Variants in CPVL observed in about 807,000 individuals in gnomAD.
CPVL encodes the protein carboxypeptidase vitellogenic like.
CPVL carries 51 observed loss-of-function variants against 63.7 expected under a neutral mutation model. The ratio of observed to expected loss-of-function variants is 0.80; its 90% CI spans 0.64 to 1.01. The LOEUF (loss-of-function observed/expected upper bound fraction) is 1.01, where lower values mean the gene tolerates loss of function less well. Ranked by LOEUF, CPVL falls within the 50% of genes least tolerant of loss-of-function variation. The pLI is 0.00. For synonymous variants in CPVL, 195 were observed against 206.0 expected (o/e 0.95, Z 0.46); for missense variants, 530 against 573.1 (o/e 0.92, Z 0.77).
intron 9 of CPVL, among the ~76,000 whole-genome samples, chr7:29,069,347 A>C (rs968459729): frequency 1.3e-5 from 2 of 150,500 alleles, no homozygotes; most frequent in Admixed American, 1.3e-4. Context: ...AGGCTGAGGC[A>C]GGAGAATGGC....
intron 1 of CPVL, chr7:29,194,896 G>C: frequency 1.4e-6 from 2 of 1,442,932 alleles, no homozygotes; most frequent in Non-Finnish European, 1.8e-6. Flanking sequence ...CGGCGGCGGC[G>C]TCCGCACCGG....
intron 1 of CPVL, among the ~76,000 whole-genome samples, chr7:29,132,727 C>A (rs1043089242): frequency 1.3e-5 from 2 of 152,154 alleles, no homozygotes; most frequent in Non-Finnish European, 2.9e-5. Flanking sequence ...TCAATTTTTT[C>A]AGAACTCATG....
intron 5 of CPVL, among the ~76,000 whole-genome samples, chr7:29,171,043 T>G (rs1278890577): frequency 6.6e-6 from 1 of 152,098 alleles, no homozygotes; most frequent in Admixed American, 6.5e-5. Context: ...CCATATCACT[T>G]ACACTTCTCT....
intron 5 of CPVL, among the ~76,000 whole-genome samples, chr7:29,179,252 G>A (rs1797764766): frequency 6.6e-6 from 1 of 152,200 alleles, no homozygotes; most frequent in Admixed American, 6.5e-5. Flanking sequence ...CTGCATGAGA[G>A]TGGGCATGGG....
At chr7:29,019,340 T>C (rs1207806248) in intron 12 of CPVL, among the ~76,000 whole-genome samples, 1 of 152,172 alleles carries the variant, frequency 6.6e-6, no homozygotes, top group Non-Finnish European at 1.5e-5. Context: ...CAAAAACTTA[T>C]TACCTTCTAG....
intron 12 of CPVL, among the ~76,000 whole-genome samples, chr7:29,006,140 G>C (rs148334076): frequency 6.6e-6 from 1 of 152,324 alleles, no homozygotes; most frequent in South Asian, 2.1e-4. Flanking sequence ...AGAACCAACT[G>C]TGCACATTGC....
intron 1 of CPVL, 99 bp from the exon 2 acceptor site, chr7:29,121,170 TTG>T (rs1233732317): frequency 2.4e-5 from 29 of 1,219,802 alleles, no homozygotes; most frequent in Non-Finnish European, 3.1e-5. Flanking sequence ...AAAAAAAATA[TTG>T]TGTGTAAAGG....
intron 3 of CPVL, among the ~76,000 whole-genome samples, chr7:29,105,246 C>T (rs905164379): frequency 2.0e-5 from 3 of 152,192 alleles, no homozygotes; most frequent in African/African-American, 7.2e-5. Context: ...GGCTAATACC[C>T]AGCACCTTCA....
intron 12 of CPVL, among the ~76,000 whole-genome samples, chr7:29,003,299 A>C (rs1008695949): frequency 1.3e-5 from 2 of 152,222 alleles, no homozygotes; most frequent in Non-Finnish European, 2.9e-5. Flanking sequence ...CTGACTATTC[A>C]ACAGAAACAA....
At chr7:29,004,896 CTTTTCTT>C (rs1785024504) in intron 12 of CPVL, among the ~76,000 whole-genome samples, 1 of 144,852 alleles carries the variant, frequency 6.9e-6, no homozygotes. Flanking sequence ...TTTTTCTTTT[CTTTTCTT>C]TTTTTTTTTT....
chr7:29,051,793 A>G (rs1338619209), intron 11 of CPVL, among the ~76,000 whole-genome samples: 2 of 152,056 alleles, frequency 1.3e-5, no homozygotes, highest in African/African-American at 4.8e-5. Flanking sequence ...ACTTGCACAC[A>G]GGTTTATAGC....
Position 29,024,818 on chromosome 7 carries a change from AC to A in CPVL, c.1320+5758del, listed in dbSNP as rs1787332979. On this transcript the variant is annotated intron_variant, in intron 12 of 12. Coordinates refer to ENST00000265394, the MANE Select transcript of CPVL (RefSeq NM_031311.5). ...AACTGAGGACATTCATTACCATTGG[AC>A]TGGCCCTACAAGAAATGCTTAAGGC... Among the ~76,000 whole-genome samples, 4 of 152,346 alleles carry A rather than the reference AC, an allele frequency of 2.6e-5. No homozygotes were observed. The South Asian group carries it at 6.2e-4, about 24-fold the overall frequency.
upstream of CPVL, chr7:29,146,538 G>A (rs960584063): frequency 3.3e-6 from 5 of 1,511,310 alleles, no homozygotes; most frequent in African/African-American, 2.8e-5. Flanking sequence ...ACCCAGTCAC[G>A]AGGACCCTGC....
chr7:29,161,811 A>T (rs1205804818), intron 5 of CPVL, among the ~76,000 whole-genome samples: 1 of 152,264 alleles, frequency 6.6e-6, no homozygotes, highest in Non-Finnish European at 1.5e-5. Context: ...ATATATAAAG[A>T]GTTCTCTAAA....
intron 11 of CPVL, among the ~76,000 whole-genome samples, chr7:29,041,433 A>G (rs551687073): frequency 1.3e-5 from 2 of 152,136 alleles, no homozygotes; most frequent in Admixed American, 1.3e-4. Flanking sequence ...CCACTCCCAC[A>G]GACAAATCTC....
intron 1 of CPVL, chr7:29,128,103 A>T (rs1790235865): frequency 6.6e-6 from 1 of 151,058 alleles, no homozygotes; most frequent in South Asian, 2.1e-4. Flanking sequence ...GGTGGCTGTG[A>T]CACCCCACTA....
At chr7:29,030,406 T>C (rs1787909645) in intron 12 of CPVL, among the ~76,000 whole-genome samples, 171 bp downstream of exon 12, 1 of 152,196 alleles carries the variant, frequency 6.6e-6, no homozygotes, top group Non-Finnish European at 1.5e-5. Context: ...TAGTCCTATG[T>C]ATGTCTGAAC....
At chr7:29,020,016 G>A (rs965250409) in intron 12 of CPVL, among the ~76,000 whole-genome samples, 5 of 152,186 alleles carry the variant, frequency 3.3e-5, no homozygotes, top group Admixed American at 1.3e-4. Flanking sequence ...AGAAGAGTCA[G>A]CGGGTTGAGT....
intron 12 of CPVL, among the ~76,000 whole-genome samples, chr7:29,021,032 G>A (rs1786914665): frequency 6.6e-6 from 1 of 152,066 alleles, no homozygotes; most frequent in Non-Finnish European, 1.5e-5. Context: ...AAATAAATTA[G>A]CCAGGTGTGG....
Sources: allele counts gnomAD v4.1 joint callset (sites outside exome capture counted in the v4.1 genomes callset), GRCh38; gene constraint gnomAD v4.1.1; transcripts MANE v1.5; gene names NCBI Gene and HGNC (gene_info 2026-07-23, HGNC 2026-07-21).